Variants in NUDT14 observed in about 807,000 individuals in gnomAD.
The protein encoded by NUDT14 is uridine diphosphate glucose pyrophosphatase NUDT14.
Under a neutral mutation model 17.5 loss-of-function variants are expected in NUDT14, and 22 were observed. The observed-to-expected ratio is 1.26, with a 90% CI of 0.90 to 1.80. The LOEUF (loss-of-function observed/expected upper bound fraction) is 1.80, where lower values mean the gene tolerates loss of function less well. NUDT14 is among the 40% of genes most tolerant of loss of function. The probability of loss-of-function intolerance (pLI) is 0.00; values close to 1 mark genes in which losing one functional copy is unlikely to be tolerated. For missense variants in NUDT14, 296 were observed against 295.6 expected, an observed-to-expected ratio of 1.00 and a Z score of -0.01; for synonymous variants, 129 against 125.8, an observed-to-expected ratio of 1.03 and a Z score of -0.17.
chr14:105,178,845 G>A (rs1889270784), intron 1 of NUDT14, among the ~76,000 whole-genome samples: 1 of 152,222 alleles, frequency 6.6e-6, no homozygotes, highest in African/African-American at 2.4e-5. Flanking sequence ...GAGGCCCTCT[G>A]AGCTTGGCCG....
In NUDT14 at chr14:105,173,286, G is replaced by C. The variant is rs764047539; in HGVS notation, c.429-25C>G. On this transcript the variant is annotated intron_variant, in intron 4 of 4. Transcript: ENST00000392568. The surrounding 1 kb of genome is among the most constrained non-coding windows in gnomAD (Gnocchi z 4.7). Reference sequence around the variant, plus strand: ...CCTACGGGTTGAGACAGGGTCTGCTGAGTCACCCACGCTGGCCCCGCTGGC... The same window carrying C: ...CCTACGGGTTGAGACAGGGTCTGCTCAGTCACCCACGCTGGCCCCGCTGGC... The C allele has an allele frequency of 4.7e-6, 7 of 1,491,314 alleles. No individual in the cohort carries two copies. Among genetic ancestry groups the C allele is most frequent in the Non-Finnish European group, 5.4e-6 (6 of 1,120,122 alleles). 92.4% of individuals were successfully genotyped at this position (1,491,314 alleles called of 1,614,324 possible). A position where few individuals can be genotyped will look rare whatever the true frequency, so the allele number is the denominator to read the frequency against.
intron 1 of NUDT14, among the ~76,000 whole-genome samples, chr14:105,180,803 TC>T (rs2141305474): frequency 6.6e-6 from 1 of 152,176 alleles, no homozygotes; most frequent in East Asian, 1.9e-4. Flanking sequence ...CAGGAAGCCT[TC>T]CCTGATCCCC....
At position 105,181,219 on chromosome 14, in the gene NUDT14, C is replaced by A; in HGVS notation, c.-10G>T. On this transcript the variant is annotated 5_prime_UTR_variant, in exon 1 of 5. Transcript: ENST00000392568. The surrounding 1 kb of genome is among the most constrained non-coding windows in gnomAD (Gnocchi z 5.0). ...CCTCGATGCGCTCCATGGCGGCGCCCGGACAGGCGGGGGCCGCGAGCTCTG... is the reference window on the plus strand; with the variant it reads ...CCTCGATGCGCTCCATGGCGGCGCCAGGACAGGCGGGGGCCGCGAGCTCTG... The A allele has an allele frequency of 1.8e-6, 2 of 1,100,360 alleles. No individual in the cohort carries two copies. Among genetic ancestry groups the A allele is most frequent in the South Asian group, 3.1e-5 (1 of 32,632 alleles). 68.2% of individuals were successfully genotyped at this position (1,100,360 alleles called of 1,614,324 possible).
intron 2 of NUDT14, 158 bp from the exon 3 acceptor site, chr14:105,177,185 C>T (rs761387745): frequency 6.5e-5 from 45 of 691,452 alleles, no homozygotes; most frequent in South Asian, 2.9e-4. Context: ...GAGGCCCAGG[C>T]GGGACCAGAG....
chr14:105,180,152 G>A (rs979455397), intron 1 of NUDT14, among the ~76,000 whole-genome samples: 1 of 152,220 alleles, frequency 6.6e-6, no homozygotes, highest in Admixed American at 6.5e-5. Context: ...GTGATCCACT[G>A]GATGTGGGAA....
chr14:105,172,979 G>C lies in NUDT14; in HGVS notation c.*42C>G, dbSNP rs751184263. On this transcript the variant is annotated 3_prime_UTR_variant, in exon 5 of 5. Coordinates refer to ENST00000392568, the MANE Select transcript of NUDT14 (RefSeq NM_177533.5). ...CTTTATTGGGGTCCGCGGGGTGTGG[G>C]GTGAGTGGCCAAGACTGGCCTCTGT... 1 of 1,463,352 alleles carries C rather than the reference G, an allele frequency of 6.8e-7. No homozygotes were observed. Among genetic ancestry groups the C allele is most frequent in the African/African-American group, 1.4e-5 (1 of 69,768 alleles). The allele number at this position is 1,463,352 out of a possible 1,614,324, so 90.6% of individuals were successfully genotyped here.
chr14:105,179,441 G>T (rs1378286801), intron 1 of NUDT14, among the ~76,000 whole-genome samples: 2 of 152,258 alleles, frequency 1.3e-5, no homozygotes, highest in African/African-American at 2.4e-5. Context: ...GTCCACCACA[G>T]CCACAGCCCG....
intron 3 of NUDT14, 73 bp from the exon 4 acceptor site, chr14:105,176,844 C>T (rs1033174114): frequency 1.8e-5 from 28 of 1,567,876 alleles, no homozygotes; most frequent in Non-Finnish European, 2.4e-5. Flanking sequence ...ACAGCCAAGC[C>T]CCCTCCCAGG....
intron 1 of NUDT14, among the ~76,000 whole-genome samples, 194 bp downstream of exon 1, chr14:105,180,935 C>A (rs1348928643): frequency 6.6e-6 from 1 of 152,082 alleles, no homozygotes; most frequent in African/African-American, 2.4e-5. Flanking sequence ...CCCGCGGCCC[C>A]TCCCCGGCCT....
At chr14:105,176,220 C>T (rs1889208788) in intron 4 of NUDT14, among the ~76,000 whole-genome samples, 2 of 152,156 alleles carry the variant, frequency 1.3e-5, no homozygotes, top group African/African-American at 4.8e-5. Context: ...TGTGAGTCAC[C>T]CCCACCCCCA....
In NUDT14 at chr14:105,180,302, A is replaced by G. The variant is rs587721198; in HGVS notation, c.81+827T>C. ...GCAACAGTGAGACGTCGTCTCTACAAAAAAATTTAAACATTAGCCAGGTGT... is the reference window on the plus strand; with the variant it reads ...GCAACAGTGAGACGTCGTCTCTACAGAAAAATTTAAACATTAGCCAGGTGT... On this transcript the variant is annotated intron_variant, in intron 1 of 4. Coordinates refer to ENST00000392568, the MANE Select transcript of NUDT14 (RefSeq NM_177533.5). Among the ~76,000 whole-genome samples, 364 of 152,214 alleles carry G rather than the reference A, an allele frequency of 2.4e-3. 1 individual carries two copies. Among genetic ancestry groups the G allele is most frequent in the African/African-American group, 8.4e-3 (350 of 41,504 alleles).
chr14:105,176,859 C>G, intron 3 of NUDT14, 88 bp from the exon 4 acceptor site: 1 of 1,557,716 alleles, frequency 6.4e-7, no homozygotes, highest in Non-Finnish European at 8.8e-7. Context: ...CCCAGGGCCT[C>G]AGCTTCCCCT....
At chr14:105,176,896 G>C in intron 3 of NUDT14, 67 bp downstream of exon 3, 1 of 1,564,970 alleles carries the variant, frequency 6.4e-7, no homozygotes, top group East Asian at 2.3e-5. Context: ...TCTGTATTCA[G>C]ACCCTCAGGA....
At chr14:105,175,780 G>A in intron 4 of NUDT14, 2 of 1,014,346 alleles carry the variant, frequency 2.0e-6, no homozygotes, top group Non-Finnish European at 2.4e-6. Context: ...TGAGGCTGCT[G>A]AGGTGGGAGG....
At chr14:105,177,270 G>A (rs779238215) in intron 2 of NUDT14, 30 of 643,722 alleles carry the variant, frequency 4.7e-5, no homozygotes, top group Non-Finnish European at 7.3e-5. Flanking sequence ...CGGGGGGCAG[G>A]GAAGGACACA....
intron 1 of NUDT14, among the ~76,000 whole-genome samples, 188 bp from the exon 2 acceptor site, chr14:105,177,923 T>G (rs1595200955): frequency 6.7e-6 from 1 of 150,038 alleles, no homozygotes; most frequent in Non-Finnish European, 1.5e-5. Context: ...GGCAGGGAGG[T>G]CAAGGACAGC....
At chr14:105,177,813 A>C in intron 1 of NUDT14, 78 bp from the exon 2 acceptor site, 1 of 1,415,378 alleles carries the variant, frequency 7.1e-7, no homozygotes, top group Non-Finnish European at 1.0e-6. Context: ...CCACAGACCC[A>C]TTGCACCCAC....
intron 4 of NUDT14, among the ~76,000 whole-genome samples, chr14:105,174,468 G>A (rs999041065): frequency 4.6e-5 from 7 of 152,040 alleles, no homozygotes; most frequent in Non-Finnish European, 7.4e-5. Flanking sequence ...CCTCTGAGAT[G>A]TACCCAACAT....
At chr14:105,177,430 G>C (rs1889239819) in intron 2 of NUDT14, 1 of 559,784 alleles carries the variant, frequency 1.8e-6, no homozygotes, top group South Asian at 2.0e-5. Flanking sequence ...AAAGGCTCCA[G>C]GACAGCCTCT....
Sources: gnomAD v4.1 joint callset for allele counts (sites outside exome capture counted in the v4.1 genomes callset) on GRCh38, gnomAD v4.1.1 for gene constraint, Gnocchi (gnomAD v3.1) non-coding constraint, MANE v1.5 for transcripts, NCBI Gene and HGNC (gene_info 2026-07-23, HGNC 2026-07-21) for gene names.